Variants in KAT5 observed in about 807,000 individuals in gnomAD.
KAT5 encodes the protein lysine acetyltransferase 5.
A neutral mutation model predicts 68.1 loss-of-function variants in KAT5; 31 were observed. That is an observed-to-expected ratio of 0.46 (90% CI 0.34 to 0.61). The LOEUF (loss-of-function observed/expected upper bound fraction) is 0.61, where lower values mean the gene tolerates loss of function less well. KAT5 is among the 20% of genes least tolerant of loss of function. KAT5 has a pLI of 0.01. For missense variants in KAT5, 451 were observed against 725.5 expected, an observed-to-expected ratio of 0.62 and a Z score of 4.35; for synonymous variants, 365 against 292.6, an observed-to-expected ratio of 1.25 and a Z score of -2.52.
chr11:65,718,364 C>A, intron 10 of KAT5: 1 of 509,376 alleles, frequency 2.0e-6, no homozygotes. Flanking sequence ...ACTGCAGCTG[C>A]TCCTCTCAGT....
At chr11:65,718,560 T>TA in intron 10 of KAT5, 30 bp from the exon 11 acceptor site, 1 of 1,601,786 alleles carries the variant, frequency 6.2e-7, no homozygotes, top group Non-Finnish European at 8.5e-7. Flanking sequence ...TGTGACCTCT[T>TA]ACTCACCCTC....
chr11:65,717,018 C>T, intron 10 of KAT5, 36 bp downstream of exon 10: 5 of 1,497,622 alleles, frequency 3.3e-6, no homozygotes, highest in Non-Finnish European at 4.7e-6. Flanking sequence ...GGTAGTGGAC[C>T]CACTATCGGT....
intron 10 of KAT5, chr11:65,717,288 G>A (rs1011503317): frequency 1.4e-5 from 7 of 498,432 alleles, no homozygotes; most frequent in African/African-American, 1.4e-4. Flanking sequence ...GTGAGCCGCT[G>A]GTGCTGATGT....
Position 65,716,812 on chromosome 11 carries a change from G to C in KAT5, c.1170+5G>C, listed in dbSNP as rs1478896177. 1 of 1,614,054 alleles carries C rather than the reference G, an allele frequency of 6.2e-7. No individual in the cohort carries two copies. The highest frequency in any genetic ancestry group is 8.5e-7 in the Non-Finnish European group (1 of 1,180,036). On this transcript the variant is annotated splice_donor_5th_base_variant and intron_variant, in intron 9 of 12. Transcript: ENST00000341318. ...ATCGTGGGCTACTTCTCCAAGGTCA[G>C]TGCCTGCCCAAGCTGTCCCTGTGCC...
In KAT5 at chr11:65,713,386, C is replaced by A; in HGVS notation, c.423C>A (p.Ile141=). 6.2e-7 allele frequency: 1 copy of A among 1,614,078 alleles called. No homozygotes were observed. Among genetic ancestry groups the A allele is most frequent in the Non-Finnish European group, 8.5e-7 (1 of 1,180,014 alleles). ...SAQASGKTLP[I]PVQITLRFNL... ...AGGCCAGCGGGAAGACCTTGCCAAT[C>A]CCGGTCCAGATCACACTCCGCTTCA... Residue 141 remains isoleucine (I), a synonymous_variant, in exon 4 of 13, where the codon ATC becomes ATA. Transcript: ENST00000341318.
rs752453205 is a variant in KAT5 at position 65,712,912 on chromosome 11, A to T, written c.248-10A>T. 4 of 1,614,142 alleles carry T rather than the reference A, an allele frequency of 2.5e-6. No individual in the cohort carries two copies. The Admixed American group carries it at 5.0e-5, about 20-fold the overall frequency. ...TGGCATTCTGTCCTGAGCCATCCCC[A>T]CTGCTACAGTCAACAAACGTCTGGA... On this transcript the variant is annotated splice_polypyrimidine_tract_variant and intron_variant, in intron 2 of 12. Coordinates refer to ENST00000341318, the MANE Select transcript of KAT5 (RefSeq NM_182710.3).
Position 65,712,797 on chromosome 11 carries a change from C to T in KAT5, c.210C>T (p.Ile70=). ...PLAEILSVKD[I]SGRKLFYVHY... ...CCGAGATCCTGAGCGTGAAGGACAT[C>T]AGTGGCCGGAAGCTTTTCTACGTCC... Residue 70 remains isoleucine, a synonymous_variant, in exon 2 of 13, where the codon ATC becomes ATT. Transcript: ENST00000341318. 2 of 1,614,052 alleles carry T rather than the reference C, an allele frequency of 1.2e-6. No individual in the cohort carries two copies. Among genetic ancestry groups the T allele is most frequent in the African/African-American group, 1.3e-5 (1 of 75,004 alleles).
At chr11:65,717,744 C>A in intron 10 of KAT5, 1 of 152,794 alleles carries the variant, frequency 6.5e-6, no homozygotes. Flanking sequence ...AACTTCTCAG[C>A]CTGGTAGCAC....
In KAT5 at chr11:65,719,575, C is replaced by T; in HGVS notation, c.*394C>T. 3.1e-6 allele frequency: 2 copies of T among 653,464 alleles called. No homozygotes were observed. The highest frequency in any genetic ancestry group is 2.7e-6 in the Non-Finnish European group (1 of 368,914). 40.5% of individuals were successfully genotyped at this position (653,464 alleles called of 1,614,324 possible). A position where few individuals can be genotyped will look rare whatever the true frequency, so the allele number is the denominator to read the frequency against. On this transcript the variant is annotated 3_prime_UTR_variant, in exon 13 of 13. Coordinates refer to ENST00000341318, the MANE Select transcript of KAT5 (RefSeq NM_182710.3). ...TTTCTGGCTTCTCTTACCCCTATTG[C>T]CCCCGGCAATAAATTGTTTCTATAT...
At position 65,718,381 on chromosome 11, in the gene KAT5, A is replaced by C. The variant is rs1304812961; in HGVS notation, c.1265-209A>C. On this transcript the variant is annotated intron_variant, in intron 10 of 12. Transcript: ENST00000341318. Reference sequence around the variant, plus strand: ...TGCAGCTGCTCCTCTCAGTGCCCTCATGCCCTCCACTGTGCTCAGCGCACG... The same window carrying C: ...TGCAGCTGCTCCTCTCAGTGCCCTCCTGCCCTCCACTGTGCTCAGCGCACG... The C allele has an allele frequency of 3.8e-5, 21 of 557,088 alleles. No homozygotes were observed. In the East Asian group the frequency reaches 5.8e-4, roughly 15 times the overall value. 34.5% of individuals were successfully genotyped at this position (557,088 alleles called of 1,614,324 possible).
chr11:65,713,748 C>T lies in KAT5; in HGVS notation c.616-26C>T, dbSNP rs765009426. ...TTTTTCAGGCTCATTTCACAGCCAT[C>T]CCTTCTTTTCCTACTATCTCGGCAG... is the stretch of plus-strand genomic sequence containing the variant. On this transcript the variant is annotated intron_variant, in intron 5 of 12. Coordinates refer to ENST00000341318, the MANE Select transcript of KAT5 (RefSeq NM_182710.3). 5.0e-6 allele frequency: 8 copies of T among 1,613,456 alleles called. No homozygotes were observed. The African/African-American group carries it at 9.3e-5, about 19-fold the overall frequency.
intron 10 of KAT5, 78 bp from the exon 11 acceptor site, chr11:65,718,512 T>G: frequency 6.6e-7 from 1 of 1,507,156 alleles, no homozygotes; most frequent in South Asian, 1.2e-5. Context: ...GCAGCCTGCC[T>G]TGGCAACCTG....
At chr11:65,716,854 C>G (rs1326802095) in intron 9 of KAT5, 35 bp from the exon 10 acceptor site, 3 of 1,613,702 alleles carry the variant, frequency 1.9e-6, no homozygotes, top group Non-Finnish European at 2.5e-6. Flanking sequence ...TGAGCCAGAT[C>G]CCTTCCCTGA....
In KAT5 at chr11:65,716,650, A is replaced by G; in HGVS notation, c.1030-17A>G. On this transcript the variant is annotated splice_polypyrimidine_tract_variant and intron_variant, in intron 8 of 12. Coordinates refer to ENST00000341318, the MANE Select transcript of KAT5 (RefSeq NM_182710.3). ...AGGCGGGATACCCAGAGTGGTGACA[A>G]GCCTTTTCTCTTGCAGAGTTATTCC... 1.9e-6 allele frequency: 3 copies of G among 1,612,150 alleles called. No individual in the cohort carries two copies. The highest frequency in any genetic ancestry group is 2.5e-6 in the Non-Finnish European group (3 of 1,179,378).
In KAT5 at chr11:65,712,464, C is replaced by T. The variant is rs527338502; in HGVS notation, c.178+19C>T. 3.2e-6 allele frequency: 5 copies of T among 1,545,022 alleles called. No individual in the cohort carries two copies. In the Admixed American group the frequency reaches 6.6e-5, roughly 20 times the overall value. ...GAGTGGCGTGAGTGACGTTGGGGGG[C>T]GGGACTAAGGAACCTGAGGGCGAGG... On this transcript the variant is annotated intron_variant, in intron 1 of 12. Transcript: ENST00000341318.
intron 10 of KAT5, chr11:65,718,384 C>T: frequency 5.3e-6 from 3 of 566,730 alleles, no homozygotes; most frequent in Non-Finnish European, 9.4e-6. Context: ...TGCCCTCATG[C>T]CCTCCACTGT....
At chr11:65,713,155 C>T in intron 3 of KAT5, 97 bp downstream of exon 3, 2 of 1,485,888 alleles carry the variant, frequency 1.3e-6, no homozygotes, top group Non-Finnish European at 1.8e-6. Context: ...GCGGCTCCCT[C>T]TCACCCTGAC....
At chr11:65,718,562 C>T (rs758299499) in intron 10 of KAT5, 28 bp from the exon 11 acceptor site, 2 of 1,600,578 alleles carry the variant, frequency 1.2e-6, no homozygotes, top group Non-Finnish European at 1.7e-6. Context: ...TGACCTCTTA[C>T]TCACCCTCTC....
chr11:65,716,378 T>C (rs915030681), intron 8 of KAT5: 2 of 425,710 alleles, frequency 4.7e-6, no homozygotes, highest in African/African-American at 3.9e-5. Context: ...TGGTCTCTCC[T>C]GGTCAGGCTT....
Sources: gnomAD v4.1 joint callset for allele counts on GRCh38, gnomAD v4.1.1 for gene constraint, MANE v1.5 for transcripts, NCBI Gene and HGNC (gene_info 2026-07-23, HGNC 2026-07-21) for gene names.